RUNDC3B: variants seen among roughly 807,000 people sequenced by gnomAD.
RUNDC3B encodes RUN domain-containing protein 3B.
In RUNDC3B, 33 loss-of-function variants were observed where a neutral mutation model predicts 58.4. The ratio of observed to expected loss-of-function variants is 0.56; its 90% CI spans 0.43 to 0.75. The LOEUF (loss-of-function observed/expected upper bound fraction) is 0.75. Among genes scored for constraint, RUNDC3B ranks in the 30% least tolerant of loss-of-function variants. The pLI is 0.00. For synonymous variants in RUNDC3B, 193 were observed against 195.2 expected (o/e 0.99, Z 0.10); for missense variants, 501 against 535.7 (o/e 0.94, Z 0.64).
At chr7:87,674,637 A>G (rs1585066117) in intron 2 of RUNDC3B, among the ~76,000 whole-genome samples, 1 of 151,940 alleles carries the variant, frequency 6.6e-6, no homozygotes, top group Admixed American at 6.6e-5. Flanking sequence ...GTGGGCTAGC[A>G]TGTATTGGCA....
Position 87,770,561 on chromosome 7 carries a change from T to G in RUNDC3B, c.630-20T>G, listed in dbSNP as rs747402223. On this transcript the variant is annotated intron_variant, in intron 6 of 10. Transcript: ENST00000394654. Reference sequence around the variant, plus strand: ...TTGGAACATATTTTTAACTTTTTTTTAAAATTTTGATCTTCCCAGTTCTGA... The same window carrying G: ...TTGGAACATATTTTTAACTTTTTTTGAAAATTTTGATCTTCCCAGTTCTGA... The G allele has an allele frequency of 6.3e-6, 10 of 1,589,190 alleles. No individual in the cohort carries two copies. Among genetic ancestry groups the G allele is most frequent in the Non-Finnish European group, 6.8e-6 (8 of 1,168,380 alleles).
chr7:87,682,951 C>T (rs1827073058), intron 2 of RUNDC3B, among the ~76,000 whole-genome samples: 1 of 152,202 alleles, frequency 6.6e-6, no homozygotes, highest in East Asian at 1.9e-4. Context: ...CATTGAAAAT[C>T]TGTTGTTTAG....
chr7:87,713,713 G>A (rs1295323787), intron 4 of RUNDC3B, among the ~76,000 whole-genome samples: 2 of 150,610 alleles, frequency 1.3e-5, no homozygotes, highest in East Asian at 3.9e-4. Context: ...CAAATGAGAA[G>A]TGAAGTAAAA....
At chr7:87,689,996 A>G (rs1190908749) in intron 2 of RUNDC3B, among the ~76,000 whole-genome samples, 2 of 152,046 alleles carry the variant, frequency 1.3e-5, no homozygotes, top group South Asian at 2.1e-4. Context: ...TTTTTTAAAA[A>G]TTTTTAAATT....
At chr7:87,702,808 A>T (rs920130727) in intron 3 of RUNDC3B, among the ~76,000 whole-genome samples, 2 of 152,234 alleles carry the variant, frequency 1.3e-5, no homozygotes, top group Non-Finnish European at 2.9e-5. Flanking sequence ...ATGTTCAAAG[A>T]AAATGCTAAA....
intron 4 of RUNDC3B, among the ~76,000 whole-genome samples, chr7:87,732,545 G>A (rs772568956): frequency 3.5e-4 from 54 of 152,142 alleles, no homozygotes; most frequent in Non-Finnish European, 2.4e-4. Flanking sequence ...GCAGGATCTG[G>A]CCAGCAGCCT....
intron 1 of RUNDC3B, among the ~76,000 whole-genome samples, chr7:87,632,265 G>A (rs1821299046): frequency 1.3e-5 from 2 of 152,128 alleles, no homozygotes; most frequent in Non-Finnish European, 1.5e-5. Context: ...TATGTTTAAA[G>A]CTTTATTCAA....
At chr7:87,637,758 T>C (rs1821936167) in intron 1 of RUNDC3B, among the ~76,000 whole-genome samples, 1 of 152,108 alleles carries the variant, frequency 6.6e-6, no homozygotes, top group South Asian at 2.1e-4. Context: ...AAAATACTGG[T>C]CTTATATCTA....
At chr7:87,820,344 G>C (rs1455723172) in intron 10 of RUNDC3B, among the ~76,000 whole-genome samples, 1 of 152,046 alleles carries the variant, frequency 6.6e-6, no homozygotes, top group Non-Finnish European at 1.5e-5. Flanking sequence ...CCAGGAAGAA[G>C]TTTAATCTCT....
chr7:87,830,298 ATCAT>A lies in RUNDC3B; in HGVS notation c.*273_*276del. ...AAAAAAACTTTCAAAGATCCGCCAAATCATTCATAGCAAATTGTACATATTGTTC... is the reference window on the plus strand; with the variant it reads ...AAAAAAACTTTCAAAGATCCGCCAAATCATAGCAAATTGTACATATTGTTC... On this transcript the variant is annotated 3_prime_UTR_variant, in exon 11 of 11. Coordinates refer to ENST00000394654, the MANE Select transcript of RUNDC3B (RefSeq NM_001134405.2). 4.3e-6 allele frequency: 1 copy of A among 233,458 alleles called. No individual in the cohort carries two copies. Among genetic ancestry groups the A allele is most frequent in the Non-Finnish European group, 8.2e-6 (1 of 121,720 alleles). The allele number at this position is 233,458 out of a possible 1,614,324, so 14.5% of individuals were successfully genotyped here.
chr7:87,799,612 G>C (rs1449792965), intron 8 of RUNDC3B, among the ~76,000 whole-genome samples: 2 of 152,110 alleles, frequency 1.3e-5, no homozygotes, highest in Admixed American at 1.3e-4. Flanking sequence ...CACAAGGCCA[G>C]GCGCGGTGGT....
chr7:87,632,985 G>A (rs530254951), intron 1 of RUNDC3B, among the ~76,000 whole-genome samples: 18 of 152,210 alleles, frequency 1.2e-4, no homozygotes, highest in East Asian at 3.9e-4. Flanking sequence ...TGATAAGCAC[G>A]GTGGAGACAA....
intron 3 of RUNDC3B, among the ~76,000 whole-genome samples, chr7:87,708,525 C>A (rs566187727): frequency 4.1e-4 from 62 of 152,072 alleles, no homozygotes; most frequent in Non-Finnish European, 7.1e-4. Context: ...ATTGCAAGCC[C>A]ATTTTTAAAT....
chr7:87,654,162 A>G (rs1014001194), intron 2 of RUNDC3B, among the ~76,000 whole-genome samples: 1 of 151,970 alleles, frequency 6.6e-6, no homozygotes, highest in Non-Finnish European at 1.5e-5. Flanking sequence ...AATCTACCCA[A>G]CATAATCTAC....
At chr7:87,665,085 G>T (rs1825094122) in intron 2 of RUNDC3B, among the ~76,000 whole-genome samples, 1 of 152,054 alleles carries the variant, frequency 6.6e-6, no homozygotes, top group Non-Finnish European at 1.5e-5. Flanking sequence ...CATCATTCTG[G>T]ATCTCCTAGC....
intron 4 of RUNDC3B, among the ~76,000 whole-genome samples, chr7:87,739,144 T>G (rs1832166205): frequency 6.6e-6 from 1 of 151,992 alleles, no homozygotes; most frequent in Admixed American, 6.6e-5. Flanking sequence ...AAACTAATGA[T>G]AACTAAAATG....
At chr7:87,796,234 T>C (rs540617952) in intron 8 of RUNDC3B, among the ~76,000 whole-genome samples, 83 of 152,286 alleles carry the variant, frequency 5.5e-4, no homozygotes, top group African/African-American at 1.9e-3. Context: ...TGTTATCACA[T>C]ATTTTTGGTA....
chr7:87,795,793 G>A (rs1318713640), intron 8 of RUNDC3B, among the ~76,000 whole-genome samples: 1 of 152,150 alleles, frequency 6.6e-6, no homozygotes, highest in African/African-American at 2.4e-5. Context: ...GGAGGCTGAG[G>A]TAGGGAGAAT....
At chr7:87,680,225 C>T (rs1585083733) in intron 2 of RUNDC3B, among the ~76,000 whole-genome samples, 1 of 150,408 alleles carries the variant, frequency 6.6e-6, no homozygotes, top group Non-Finnish European at 1.5e-5. Flanking sequence ...TTTGTGGCTG[C>T]GTAGTATTCC....
Sources: allele counts gnomAD v4.1 joint callset (sites outside exome capture counted in the v4.1 genomes callset), GRCh38; gene constraint gnomAD v4.1.1; transcripts MANE v1.5; gene names NCBI Gene and HGNC (gene_info 2026-07-23, HGNC 2026-07-21).